BIVM: variants seen among roughly 807,000 people sequenced by gnomAD.
The protein encoded by BIVM is basic, immunoglobulin-like variable motif containing.
BIVM carries 31 observed loss-of-function variants against 61.4 expected under a neutral mutation model. The observed-to-expected ratio is 0.51, with a 90% CI of 0.38 to 0.68. The LOEUF (loss-of-function observed/expected upper bound fraction) is 0.68, where lower values mean the gene tolerates loss of function less well. BIVM is among the 30% of genes least tolerant of loss of function. BIVM has a pLI of 0.00. For missense variants in BIVM, 526 were observed against 596.0 expected, an observed-to-expected ratio of 0.88 and a Z score of 1.22; for synonymous variants, 189 against 210.7, an observed-to-expected ratio of 0.90 and a Z score of 0.89.
At chr13:102,837,440 T>C (rs967419654) in intron 9 of BIVM, among the ~76,000 whole-genome samples, 1 of 152,222 alleles carries the variant, frequency 6.6e-6, no homozygotes, top group African/African-American at 2.4e-5. Context: ...CTATGTGTTC[T>C]ATTACACTGC....
intron 5 of BIVM, 83 bp from the exon 6 acceptor site, chr13:102,821,660 A>T: frequency 8.7e-7 from 1 of 1,155,846 alleles, no homozygotes; most frequent in Non-Finnish European, 1.2e-6. Context: ...TGCAAATCAG[A>T]CAAGCATATT....
intron 3 of BIVM, among the ~76,000 whole-genome samples, chr13:102,809,778 CT>C (rs1879351620): frequency 2.6e-5 from 3 of 116,672 alleles, no homozygotes; most frequent in South Asian, 3.2e-4. Context: ...CTTTCCTTTT[CT>C]TTTCTTTCTT....
chr13:102,812,101 T>C (rs1367332088), intron 3 of BIVM, among the ~76,000 whole-genome samples: 1 of 152,142 alleles, frequency 6.6e-6, no homozygotes, highest in Non-Finnish European at 1.5e-5. Flanking sequence ...TCATACTCAA[T>C]TATTTCAGTT....
intron 3 of BIVM, among the ~76,000 whole-genome samples, chr13:102,814,521 A>C (rs1168682991): frequency 6.6e-6 from 1 of 152,200 alleles, no homozygotes; most frequent in African/African-American, 2.4e-5. Context: ...ATGTTTCATT[A>C]GCTTTAACAT....
chr13:102,812,379 A>AT (rs565855030), intron 3 of BIVM, among the ~76,000 whole-genome samples: 287 of 151,722 alleles, frequency 1.9e-3, no homozygotes, highest in Non-Finnish European at 3.5e-3. Context: ...TGGTTTATAT[A>AT]TTTTTTTGTT....
At chr13:102,826,052 G>A (rs6491710) in intron 7 of BIVM, among the ~76,000 whole-genome samples, 37,410 of 151,986 alleles carry the variant, frequency 0.25, 4,760 homozygotes, top group East Asian at 0.43. Flanking sequence ...TAATGAATTC[G>A]CAATTGAGGA....
intron 3 of BIVM, among the ~76,000 whole-genome samples, chr13:102,812,767 T>C (rs1040288017): frequency 1.3e-5 from 2 of 152,204 alleles, no homozygotes; most frequent in Admixed American, 6.5e-5. Flanking sequence ...GCTGGCCCCT[T>C]AAGTCCTCTG....
rs751371515 is a variant in BIVM at position 102,838,746 on chromosome 13, A to C, written c.1218+7A>C. On this transcript the variant is annotated splice_region_variant and intron_variant, in intron 10 of 10. Transcript: ENST00000257336. ...GTATAGAAAAACAAAGAAGGTAAGA[A>C]GAACACCATTGTGTTTGAAGGCATT... 1 of 1,609,812 alleles carries C rather than the reference A, an allele frequency of 6.2e-7. No homozygotes were observed. The highest frequency in any genetic ancestry group is 8.5e-7 in the Non-Finnish European group (1 of 1,178,368).
At chr13:102,831,486 G>T in intron 7 of BIVM, 79 bp from the exon 8 acceptor site, 1 of 1,579,642 alleles carries the variant, frequency 6.3e-7, no homozygotes, top group African/African-American at 1.4e-5. Flanking sequence ...CTGTCCTTAA[G>T]CCCTTAACCG....
At chr13:102,811,605 C>A (rs544948803) in intron 3 of BIVM, among the ~76,000 whole-genome samples, 1 of 152,356 alleles carries the variant, frequency 6.6e-6, no homozygotes, top group East Asian at 1.9e-4. Flanking sequence ...CTCACCACAA[C>A]CTCCACCTTC....
chr13:102,838,541 T>A, intron 9 of BIVM, 102 bp from the exon 10 acceptor site: 3 of 887,480 alleles, frequency 3.4e-6, no homozygotes, highest in Non-Finnish European at 5.0e-6. Flanking sequence ...CTGCCAATTA[T>A]TGCTGTGATA....
intron 8 of BIVM, among the ~76,000 whole-genome samples, chr13:102,831,908 G>A (rs1881111527): frequency 6.6e-6 from 1 of 150,620 alleles, no homozygotes; most frequent in South Asian, 2.1e-4. Flanking sequence ...AGCCGGGCGT[G>A]GTGGCAGGCG....
At chr13:102,812,054 C>T (rs1466070713) in intron 3 of BIVM, among the ~76,000 whole-genome samples, 3 of 152,148 alleles carry the variant, frequency 2.0e-5, no homozygotes, top group Non-Finnish European at 2.9e-5. Context: ...CCCTTAAGGT[C>T]TGTTTACTTT....
In BIVM at chr13:102,840,849, T is replaced by A. The variant is rs1881760535; in HGVS notation, c.*984T>A. 1 of 152,146 alleles carries A rather than the reference T, an allele frequency of 6.6e-6. No homozygotes were observed. Among genetic ancestry groups the A allele is most frequent in the Admixed American group, 6.5e-5 (1 of 15,280 alleles). 9.4% of individuals were successfully genotyped at this position (152,146 alleles called of 1,614,324 possible). Reference sequence around the variant, plus strand: ...TTTATAAGTCTAGATGACGTTTGCCTTAGGGGTAAAGTAAAAGAACAATTG... The same window carrying A: ...TTTATAAGTCTAGATGACGTTTGCCATAGGGGTAAAGTAAAAGAACAATTG... On this transcript the variant is annotated 3_prime_UTR_variant, in exon 11 of 11. Coordinates refer to ENST00000257336, the MANE Select transcript of BIVM (RefSeq NM_017693.4).
At position 102,820,976 on chromosome 13, in the gene BIVM, A is replaced by G. The variant is rs999504007; in HGVS notation, c.606-61A>G. On this transcript the variant is annotated intron_variant, in intron 4 of 10. Transcript: ENST00000257336. ...CACCTTTAATTGCCATGAGTTTTCT[A>G]TTTCTAGCATGCATATTTTGTGTTC... is the stretch of plus-strand genomic sequence containing the variant. 3.6e-5 allele frequency: 54 copies of G among 1,502,016 alleles called. No homozygotes were observed. In the African/African-American group the frequency reaches 6.9e-4, roughly 19 times the overall value. 93.0% of individuals were successfully genotyped at this position (1,502,016 alleles called of 1,614,324 possible). A position where few individuals can be genotyped will look rare whatever the true frequency, so the allele number is the denominator to read the frequency against.
intron 5 of BIVM, 85 bp from the exon 6 acceptor site, chr13:102,821,658 A>C (rs1880295274): frequency 9.7e-6 from 11 of 1,132,326 alleles, no homozygotes; most frequent in Non-Finnish European, 1.4e-5. Flanking sequence ...TTTGCAAATC[A>C]GACAAGCATA....
chr13:102,835,160 C>A (rs1881376046), intron 9 of BIVM, among the ~76,000 whole-genome samples: 1 of 152,070 alleles, frequency 6.6e-6, no homozygotes, highest in Non-Finnish European at 1.5e-5. Flanking sequence ...GGGAGGATCG[C>A]TTGAGCCCAG....
intron 6 of BIVM, 99 bp from the exon 7 acceptor site, chr13:102,821,966 A>G (rs926771784): frequency 1.3e-6 from 2 of 1,532,028 alleles, no homozygotes; most frequent in African/African-American, 1.4e-5. Context: ...TCTCATAGGT[A>G]TACCAACTTT....
intron 3 of BIVM, among the ~76,000 whole-genome samples, chr13:102,810,064 C>T (rs1414539168): frequency 6.6e-6 from 1 of 152,102 alleles, no homozygotes; most frequent in Non-Finnish European, 1.5e-5. Context: ...TGAGCCACCC[C>T]GCCCAGCCCT....
Sources: gnomAD v4.1 joint callset for allele counts (sites outside exome capture counted in the v4.1 genomes callset) on GRCh38, gnomAD v4.1.1 for gene constraint, MANE v1.5 for transcripts, NCBI Gene and HGNC (gene_info 2026-07-23, HGNC 2026-07-21) for gene names.